ACTR2: variants seen among roughly 807,000 people sequenced by gnomAD.
The protein encoded by ACTR2 is actin related protein 2, also known as actin-related protein 2.
Under a neutral mutation model 50.2 loss-of-function variants are expected in ACTR2, and 5 were observed. That is an observed-to-expected ratio of 0.10 (90% CI 0.05 to 0.21). The LOEUF (loss-of-function observed/expected upper bound fraction) is 0.21. ACTR2 is among the 10% of genes least tolerant of loss of function. The pLI, the probability that ACTR2 is intolerant of heterozygous loss-of-function variation, is 1.00. For missense variants in ACTR2, 180 were observed against 480.6 expected (o/e 0.37, Z 5.85); for synonymous variants, 140 against 162.9 (o/e 0.86, Z 1.07).
intron 2 of ACTR2, among the ~76,000 whole-genome samples, chr2:65,241,280 C>T (rs1010067582): frequency 1.3e-5 from 2 of 151,992 alleles, no homozygotes; most frequent in Non-Finnish European, 2.9e-5. Flanking sequence ...TAAAGAATGG[C>T]TTTTTTATAT....
chr2:65,249,215 C>T (rs568836444), intron 3 of ACTR2, among the ~76,000 whole-genome samples: 44 of 152,006 alleles, frequency 2.9e-4, no homozygotes, highest in African/African-American at 9.4e-4. Flanking sequence ...ATTTTGTTTA[C>T]GAATATGTTT....
In ACTR2 at chr2:65,247,063, A is replaced by G. The variant is rs991260447; in HGVS notation, c.375+324A>G. Among the ~76,000 whole-genome samples, 8 of 152,262 alleles carry G rather than the reference A, an allele frequency of 5.3e-5. No homozygotes were observed. In the East Asian group the frequency reaches 7.7e-4, roughly 15 times the overall value. On this transcript the variant is annotated intron_variant, in intron 3 of 8. Coordinates refer to ENST00000260641, the MANE Select transcript of ACTR2 (RefSeq NM_005722.4). ...GAAGGAGACTGAAAAGGCTAATACA[A>G]TAAGCAGTTACAGAGTTAATTAAAT...
chr2:65,227,967 G>A lies in ACTR2; in HGVS notation c.48+10G>A, dbSNP rs1215169834. 4.0e-6 allele frequency: 6 copies of A among 1,503,120 alleles called. No homozygotes were observed. The highest frequency in any genetic ancestry group is 5.3e-6 in the Non-Finnish European group (6 of 1,127,160). 93.1% of individuals were successfully genotyped at this position (1,503,120 alleles called of 1,614,324 possible). On this transcript the variant is annotated intron_variant, in intron 1 of 8. Transcript: ENST00000260641. ...CGACAACGGCACCGGGGTAAGGGCC[G>A]CGCGAGGAGGCCTTGGCGGCCACAG...
In ACTR2 at chr2:65,250,672, CA is replaced by C. The variant is rs368589131; in HGVS notation, c.376-334del. On this transcript the variant is annotated intron_variant, in intron 3 of 8. Coordinates refer to ENST00000260641, the MANE Select transcript of ACTR2 (RefSeq NM_005722.4). ...TGGGCAACAGAGTGAGACTTCATCT[CA>C]AAAAAAAAAAAAAAAAAAAAGAATT... Among the ~76,000 whole-genome samples, 340 of 84,900 alleles carry C rather than the reference CA, an allele frequency of 4.0e-3. 1 individual carries two copies. Among genetic ancestry groups the C allele is most frequent in the Middle Eastern group, 0.018 (3 of 166 alleles). The allele number at this position is 84,900 out of a possible 152,430, so 55.7% of individuals were successfully genotyped here.
rs1363827084 is a variant in ACTR2, at chr2:65,268,994, C to T, written c.*260C>T. The T allele has an allele frequency of 7.9e-6, 3 of 377,686 alleles. No homozygotes were observed. Among genetic ancestry groups the T allele is most frequent in the Admixed American group, 8.7e-5 (2 of 22,940 alleles). The allele number at this position is 377,686 out of a possible 1,614,324, so 23.4% of individuals were successfully genotyped here. A position where few individuals can be genotyped will look rare whatever the true frequency, so the allele number is the denominator to read the frequency against. Reference sequence around the variant, plus strand: ...TGCTGCTTTGTTTCTTCTAAGTAGGCATTTAGATCATTCCTATAGGCTTCC... The same window carrying T: ...TGCTGCTTTGTTTCTTCTAAGTAGGTATTTAGATCATTCCTATAGGCTTCC... On this transcript the variant is annotated 3_prime_UTR_variant, in exon 9 of 9. Coordinates refer to ENST00000260641, the MANE Select transcript of ACTR2 (RefSeq NM_005722.4).
Position 65,245,840 on chromosome 2 carries a change from A to T in ACTR2, c.160-684A>T, listed in dbSNP as rs73936444. Among the ~76,000 whole-genome samples the T allele has an allele frequency of 2.6e-5, 4 of 152,256 alleles. No individual in the cohort carries two copies. The South Asian group carries it at 8.3e-4, about 32-fold the overall frequency. On this transcript the variant is annotated intron_variant, in intron 2 of 8. Transcript: ENST00000260641. ...GTGTAGTTTTCCAGTATACTTTAAG[A>T]TTGAAAATGTTGCTCAGGAGACAAT...
rs527787336 is a variant in ACTR2, at chr2:65,268,849, G to T, written c.*115G>T. On this transcript the variant is annotated 3_prime_UTR_variant, in exon 9 of 9. Transcript: ENST00000260641. Reference sequence around the variant, plus strand: ...GAGGCCTCTCTCTGCCCTTTGACTGGAAAGGTCAAGTTTTATTCTGGTGTC... The same window carrying T: ...GAGGCCTCTCTCTGCCCTTTGACTGTAAAGGTCAAGTTTTATTCTGGTGTC... The T allele has an allele frequency of 2.2e-5, 25 of 1,153,660 alleles. No individual in the cohort carries two copies. Among genetic ancestry groups the T allele is most frequent in the Middle Eastern group, 2.1e-4 (1 of 4,874 alleles). The allele number at this position is 1,153,660 out of a possible 1,614,324, so 71.5% of individuals were successfully genotyped here. A position where few individuals can be genotyped will look rare whatever the true frequency, so the allele number is the denominator to read the frequency against.
rs144397613 is a variant in ACTR2 at position 65,261,779 on chromosome 2, T to A, written c.881+387T>A. On this transcript the variant is annotated intron_variant, in intron 7 of 8. Coordinates refer to ENST00000260641, the MANE Select transcript of ACTR2 (RefSeq NM_005722.4). ...GTAGTGGAATTGCTGGATCATATGG[T>A]AGTTCTATTTTTAACTTTCCGAGGA... 1.4e-4 allele frequency among the ~76,000 whole-genome samples: 22 copies of A among 152,314 alleles called. No individual in the cohort carries two copies. In the East Asian group the frequency reaches 4.2e-3, roughly 29 times the overall value.
At chr2:65,230,209 C>G (rs1294786206) in intron 1 of ACTR2, among the ~76,000 whole-genome samples, 1 of 152,030 alleles carries the variant, frequency 6.6e-6, no homozygotes, top group African/African-American at 2.4e-5. Context: ...AAATTGGCCT[C>G]TAAATAAATA....
chr2:65,231,500 C>G (rs1418467866), intron 1 of ACTR2, among the ~76,000 whole-genome samples: 1 of 151,902 alleles, frequency 6.6e-6, no homozygotes, highest in Non-Finnish European at 1.5e-5. Context: ...AGTTGTTATC[C>G]TAAGGTGTTT....
intron 5 of ACTR2, 42 bp from the exon 6 acceptor site, chr2:65,255,503 A>G (rs947953427): frequency 3.8e-6 from 6 of 1,574,408 alleles, no homozygotes; most frequent in Non-Finnish European, 5.2e-6. Flanking sequence ...AGTAGAACTC[A>G]TTCAGATGTA....
chr2:65,262,480 A>G (rs1447575439), intron 7 of ACTR2, among the ~76,000 whole-genome samples: 1 of 149,996 alleles, frequency 6.7e-6, no homozygotes, highest in Non-Finnish European at 1.5e-5. Context: ...GCCTCAAGTG[A>G]TCCACCCCAC....
chr2:65,246,182 C>G, intron 2 of ACTR2: 1 of 174,310 alleles, frequency 5.7e-6, no homozygotes, highest in Non-Finnish European at 1.2e-5. Flanking sequence ...TCACATATCA[C>G]AGGCCTTATT....
At chr2:65,251,126 A>G (rs1424544820) in intron 4 of ACTR2, 27 bp downstream of exon 4, 2 of 1,499,090 alleles carry the variant, frequency 1.3e-6, no homozygotes, top group Non-Finnish European at 1.8e-6. Flanking sequence ...TGTTAGAAAA[A>G]ACACTTCATC....
chr2:65,247,140 A>G lies in ACTR2; in HGVS notation c.375+401A>G, dbSNP rs564075029. Among the ~76,000 whole-genome samples the G allele has an allele frequency of 2.6e-5, 4 of 152,244 alleles. No homozygotes were observed. The South Asian group carries it at 8.3e-4, about 32-fold the overall frequency. On this transcript the variant is annotated intron_variant, in intron 3 of 8. Transcript: ENST00000260641. The stretch of plus-strand genomic sequence containing the variant: ...TTGACCCATGAGCAATGCAGGGGTT[A>G]GGGGCACCAACCCTCCCTACTCACG...
At chr2:65,252,172 T>G (rs917662607) in intron 4 of ACTR2, among the ~76,000 whole-genome samples, 1 of 152,046 alleles carries the variant, frequency 6.6e-6, no homozygotes, top group Admixed American at 6.6e-5. Context: ...TGTAAATTCT[T>G]GCATTAGTCA....
intron 1 of ACTR2, 191 bp downstream of exon 1, chr2:65,228,148 A>G: frequency 4.3e-6 from 2 of 463,626 alleles, no homozygotes; most frequent in East Asian, 3.7e-5. Flanking sequence ...CCTGCCACCC[A>G]TTTAGCCTGC....
chr2:65,239,869 T>C lies in ACTR2; in HGVS notation c.66T>C (p.Tyr22=). The C allele has an allele frequency of 1.9e-6, 3 of 1,611,392 alleles. No individual in the cohort carries two copies. Among genetic ancestry groups the C allele is most frequent in the Non-Finnish European group, 2.5e-6 (3 of 1,178,148 alleles). Reference sequence around the variant, plus strand: ...CATTCCAGTTTGTGAAGTGTGGATATGCAGGCTCTAACTTTCCAGAACACA... The same window carrying C: ...CATTCCAGTTTGTGAAGTGTGGATACGCAGGCTCTAACTTTCCAGAACACA... ...DNGTGFVKCG[Y]AGSNFPEHIF... Residue 22 remains tyrosine, a synonymous_variant, in exon 2 of 9, where the codon TAT becomes TAC. Coordinates refer to ENST00000260641, the MANE Select transcript of ACTR2 (RefSeq NM_005722.4).
chr2:65,239,284 G>A (rs1196560897), intron 1 of ACTR2, among the ~76,000 whole-genome samples: 5 of 152,004 alleles, frequency 3.3e-5, no homozygotes, highest in South Asian at 2.1e-4. Context: ...GAGAAACCCC[G>A]TCTCTACTAA....
Sources: gnomAD v4.1 joint callset for allele counts (sites outside exome capture counted in the v4.1 genomes callset) on GRCh38, gnomAD v4.1.1 for gene constraint, MANE v1.5 for transcripts, NCBI Gene and HGNC (gene_info 2026-07-23, HGNC 2026-07-21) for gene names.